MTSS1: variants seen among roughly 807,000 people sequenced by gnomAD.
MTSS1 encodes MTSS I-BAR domain containing 1.
In MTSS1, 18 loss-of-function variants were observed where a neutral mutation model predicts 79.0. That is an observed-to-expected ratio of 0.23 (90% confidence interval 0.16 to 0.34). The LOEUF (loss-of-function observed/expected upper bound fraction) is 0.34. MTSS1 is among the 10% of genes least tolerant of loss of function. The probability of loss-of-function intolerance (pLI) is 1.00; values close to 1 mark genes in which losing one functional copy is unlikely to be tolerated. For missense variants in MTSS1, 815 were observed against 986.2 expected, an observed-to-expected ratio of 0.83 and a Z score of 2.33; for synonymous variants, 341 against 368.6, an observed-to-expected ratio of 0.93 and a Z score of 0.86.
chr8:124,573,864 C>G (rs112355879), intron 6 of MTSS1, among the ~76,000 whole-genome samples: 21 of 152,296 alleles, frequency 1.4e-4, no homozygotes, highest in African/African-American at 4.6e-4. Context: ...TTCTGATGAA[C>G]AGCAGCCAGG....
At chr8:124,592,381 T>C (rs1409388393) in intron 3 of MTSS1, among the ~76,000 whole-genome samples, 4 of 152,180 alleles carry the variant, frequency 2.6e-5, no homozygotes, top group African/African-American at 9.7e-5. Flanking sequence ...CTGGTGTTTG[T>C]GAATTTGGGG....
chr8:124,711,991 G>A (rs1440238358), intron 1 of MTSS1, among the ~76,000 whole-genome samples: 1 of 148,986 alleles, frequency 6.7e-6, no homozygotes, highest in African/African-American at 2.5e-5. Context: ...CTAGGTGACA[G>A]AGCGAGACTG....
chr8:124,712,868 T>C (rs538171688), intron 1 of MTSS1, among the ~76,000 whole-genome samples: 1 of 152,266 alleles, frequency 6.6e-6, no homozygotes, highest in Non-Finnish European at 1.5e-5. Flanking sequence ...TTTGTAACTA[T>C]TAACACCCTA....
chr8:124,623,547 A>T (rs906382784), intron 3 of MTSS1, among the ~76,000 whole-genome samples: 2 of 152,238 alleles, frequency 1.3e-5, no homozygotes, highest in East Asian at 3.8e-4. Context: ...AGAGAAATGC[A>T]TAAAATTAAC....
rs529286591 is a variant in MTSS1, at chr8:124,556,300, T to C, written c.1336A>G (p.Ser446Gly). 6.8e-6 allele frequency: 11 copies of C among 1,614,232 alleles called. No individual in the cohort carries two copies. In the African/African-American group the frequency reaches 1.5e-4, roughly 22 times the overall value. ...DPNGGGPTTASGPPAAAEEAQ... is the reference protein window; with the variant it reads ...DPNGGGPTTAGGPPAAAEEAQ... ...TCCTCAGCTGCTGCAGGTGGGCCGCTGGCGGTAGTGGGTCCTCCCCCGTTG... is the reference window on the plus strand; with the variant it reads ...TCCTCAGCTGCTGCAGGTGGGCCGCCGGCGGTAGTGGGTCCTCCCCCGTTG... The change falls in exon 12 of 14, where the codon AGC becomes GGC. Residue 446 changes from serine (S) to glycine (G), a missense_variant. Ser to Gly is a moderately conservative substitution (Grantham distance 56). Transcript: ENST00000518547.
chr8:124,714,147 T>A (rs943908700), intron 1 of MTSS1, among the ~76,000 whole-genome samples: 10 of 152,172 alleles, frequency 6.6e-5, no homozygotes, highest in African/African-American at 2.2e-4. Flanking sequence ...CACCTGACAT[T>A]TGTATGGCCA....
intron 3 of MTSS1, among the ~76,000 whole-genome samples, chr8:124,696,830 G>A (rs1252662587): frequency 7.5e-5 from 11 of 147,032 alleles, no homozygotes; most frequent in African/African-American, 2.8e-4. Context: ...CAGCCTGGGT[G>A]ACAAGAGCAA....
intron 3 of MTSS1, among the ~76,000 whole-genome samples, chr8:124,660,936 C>T (rs1051864389): frequency 3.9e-5 from 6 of 152,194 alleles, no homozygotes; most frequent in Admixed American, 6.5e-5. Context: ...CACCCTCCCA[C>T]GCACACGTAC....
At chr8:124,602,207 A>ATATACACACACACACAT in intron 3 of MTSS1, among the ~76,000 whole-genome samples, 1 of 142,224 alleles carries the variant, frequency 7.0e-6, no homozygotes, top group East Asian at 2.0e-4. Context: ...ATATATATAT[A>ATATACACACACACACAT]ATTTTTTTTT....
intron 3 of MTSS1, among the ~76,000 whole-genome samples, chr8:124,680,440 G>A (rs1299396051): frequency 3.3e-5 from 5 of 152,170 alleles, no homozygotes; most frequent in Non-Finnish European, 7.3e-5. Context: ...TAAGAAGGAA[G>A]GCCTAGGCAG....
At chr8:124,555,449 T>C (rs868314029) in intron 13 of MTSS1, among the ~76,000 whole-genome samples, 20 of 152,170 alleles carry the variant, frequency 1.3e-4, no homozygotes, top group Non-Finnish European at 2.9e-5. Flanking sequence ...GGTTTCACCA[T>C]GTTAGCCAGG....
chr8:124,598,662 A>G (rs1833192642), intron 3 of MTSS1, among the ~76,000 whole-genome samples: 1 of 152,342 alleles, frequency 6.6e-6, no homozygotes, highest in Admixed American at 6.5e-5. Context: ...TAATGAAGAA[A>G]ATGTTCCACT....
intron 3 of MTSS1, among the ~76,000 whole-genome samples, chr8:124,657,757 A>G (rs1028830676): frequency 1.2e-4 from 18 of 152,202 alleles, no homozygotes; most frequent in African/African-American, 4.3e-4. Context: ...TACAAAAAGC[A>G]TGAGGCTCTC....
chr8:124,689,998 C>T (rs986773680), intron 3 of MTSS1, among the ~76,000 whole-genome samples: 4 of 152,036 alleles, frequency 2.6e-5, no homozygotes, highest in African/African-American at 7.2e-5. Flanking sequence ...ACAAAATGCA[C>T]GGTGGCTCTG....
At chr8:124,659,935 G>A (rs1168716309) in intron 3 of MTSS1, among the ~76,000 whole-genome samples, 2 of 152,158 alleles carry the variant, frequency 1.3e-5, no homozygotes, top group Non-Finnish European at 2.9e-5. Flanking sequence ...ATCTCTTCCT[G>A]ACTCTCTCTC....
chr8:124,674,970 C>T (rs148308087), intron 3 of MTSS1, among the ~76,000 whole-genome samples: 183 of 152,322 alleles, frequency 1.2e-3, no homozygotes, highest in African/African-American at 4.3e-3. Context: ...GATCCACCCA[C>T]CTCAGCCTCC....
chr8:124,563,418 C>T, intron 9 of MTSS1: 1 of 207,536 alleles, frequency 4.8e-6, no homozygotes, highest in South Asian at 6.8e-5. Flanking sequence ...AGCAAAAGTC[C>T]ACTGGGGCTT....
rs1199088880 is a variant in MTSS1 at position 124,597,380 on chromosome 8, G to A, written c.209-6145C>T. Among the ~76,000 whole-genome samples the A allele has an allele frequency of 1.3e-5, 2 of 152,210 alleles. No individual in the cohort carries two copies. Among genetic ancestry groups the A allele is most frequent in the African/African-American group, 4.8e-5 (2 of 41,452 alleles). ...CGACAAGCTGGAGACATTCCCAGCT[G>A]AGGACAAAGAGGCACATTAAAGTCA... On this transcript the variant is annotated intron_variant, in intron 3 of 13. Coordinates refer to ENST00000518547, the MANE Select transcript of MTSS1 (RefSeq NM_014751.6). The surrounding 1 kb of genome is among the most constrained non-coding windows in gnomAD (Gnocchi z 4.6).
At chr8:124,603,492 C>T (rs1056281138) in intron 3 of MTSS1, among the ~76,000 whole-genome samples, 12 of 152,242 alleles carry the variant, frequency 7.9e-5, no homozygotes, top group Non-Finnish European at 1.5e-4. Context: ...CATTAAAGGT[C>T]AAAGTCAGCA....
Sources: allele counts gnomAD v4.1 joint callset (sites outside exome capture counted in the v4.1 genomes callset), GRCh38; gene constraint gnomAD v4.1.1; non-coding constraint Gnocchi (gnomAD v3.1); transcripts MANE v1.5; gene names NCBI Gene and HGNC (gene_info 2026-07-23, HGNC 2026-07-21).